Variants in RECK observed in about 807,000 individuals in gnomAD.
RECK encodes the protein reversion-inducing cysteine-rich protein with Kazal motifs.
Under a neutral mutation model 115.1 loss-of-function variants are expected in RECK, and 69 were observed. The ratio of observed to expected loss-of-function variants is 0.60; its 90% CI spans 0.49 to 0.73. The LOEUF (loss-of-function observed/expected upper bound fraction) is 0.73. RECK is among the 30% of genes least tolerant of loss of function. RECK has a pLI of 0.00. For synonymous variants in RECK, 414 were observed against 419.7 expected (o/e 0.99, Z 0.17); for missense variants, 1,047 against 1,203.7 (o/e 0.87, Z 1.93).
intron 1 of RECK, among the ~76,000 whole-genome samples, chr9:36,043,010 CT>C (rs61673918): frequency 2.1e-3 from 123 of 59,412 alleles, no homozygotes; most frequent in African/African-American, 4.2e-3. Context: ...CCTTAGCCCA[CT>C]TTTTTTTTTT....
At chr9:36,076,561 C>T (rs556517444) in intron 6 of RECK, among the ~76,000 whole-genome samples, 5 of 152,224 alleles carry the variant, frequency 3.3e-5, no homozygotes, top group African/African-American at 9.6e-5. Flanking sequence ...TTCCTGAATC[C>T]ATCCTAACAC....
Position 36,117,085 on chromosome 9 carries a change from G to T in RECK, c.2161G>T (p.Asp721Tyr), listed in dbSNP as rs1204690577. ...ACAGCTCGCGTGTGACCAGGTCCAA[G>T]ATCCTGTTTGTGACACAGACCACAT... Reference protein sequence around the residue: ...PRQLACDQVQDPVCDTDHMEH... With the variant: ...PRQLACDQVQYPVCDTDHMEH... Residue 721 changes from aspartate (D) to tyrosine (Y), a missense_variant, in exon 17 of 21, where the codon GAT becomes TAT. Transcript: ENST00000377966. The T allele has an allele frequency of 5.0e-6, 8 of 1,614,082 alleles. No homozygotes were observed. The highest frequency in any genetic ancestry group is 6.8e-6 in the Non-Finnish European group (8 of 1,180,034).
intron 4 of RECK, among the ~76,000 whole-genome samples, chr9:36,060,503 A>G (rs1378169485): frequency 6.6e-6 from 1 of 152,168 alleles, no homozygotes; most frequent in African/African-American, 2.4e-5. Context: ...TACTGAAACT[A>G]GTCTTTGAAA....
At chr9:36,106,013 AC>A (rs1823793267) in intron 13 of RECK, among the ~76,000 whole-genome samples, 1 of 152,036 alleles carries the variant, frequency 6.6e-6, no homozygotes, top group South Asian at 2.1e-4. Flanking sequence ...GGAGATCGAA[AC>A]CATCCTGGCT....
chr9:36,068,142 T>G (rs1164416555), intron 6 of RECK, among the ~76,000 whole-genome samples: 1 of 152,152 alleles, frequency 6.6e-6, no homozygotes, highest in Non-Finnish European at 1.5e-5. Flanking sequence ...AACCAATATT[T>G]TAGAAACTTA....
At chr9:36,120,813 T>G in intron 19 of RECK, 77 bp downstream of exon 19, 1 of 1,003,044 alleles carries the variant, frequency 1.0e-6, no homozygotes, top group Non-Finnish European at 1.6e-6. Context: ...TAGAATGTGT[T>G]GTCCTCATTC....
At chr9:36,071,277 G>A (rs996794461) in intron 6 of RECK, among the ~76,000 whole-genome samples, 5 of 152,146 alleles carry the variant, frequency 3.3e-5, no homozygotes, top group African/African-American at 1.2e-4. Context: ...GGTTGTTGAT[G>A]GTTAATTTTC....
intron 8 of RECK, among the ~76,000 whole-genome samples, chr9:36,086,961 G>C (rs1201009623): frequency 6.6e-6 from 1 of 152,108 alleles, no homozygotes; most frequent in South Asian, 2.1e-4. Flanking sequence ...TTTTTGTAAG[G>C]ATGGTGCTAA....
At chr9:36,060,397 A>C (rs535099174) in intron 4 of RECK, among the ~76,000 whole-genome samples, 1 of 152,224 alleles carries the variant, frequency 6.6e-6, no homozygotes, top group South Asian at 2.1e-4. Context: ...GATTACAGGC[A>C]TGACCCACCA....
intron 10 of RECK, among the ~76,000 whole-genome samples, chr9:36,091,661 T>G (rs1823158772): frequency 6.6e-6 from 1 of 152,250 alleles, no homozygotes; most frequent in South Asian, 2.1e-4. Flanking sequence ...TATTTGGTCA[T>G]CCAAATGTCC....
intron 6 of RECK, among the ~76,000 whole-genome samples, chr9:36,077,956 G>T (rs559176795): frequency 1.3e-5 from 2 of 152,192 alleles, no homozygotes; most frequent in African/African-American, 4.8e-5. Flanking sequence ...ACCCATAGTC[G>T]CAGGTACTTG....
intron 16 of RECK, among the ~76,000 whole-genome samples, chr9:36,116,362 G>A (rs1207911949): frequency 1.3e-5 from 2 of 152,114 alleles, no homozygotes; most frequent in Non-Finnish European, 2.9e-5. Context: ...CCCGACCTCA[G>A]GTGATCCACC....
In RECK at chr9:36,124,057, C is replaced by CT. The variant is rs771638340; in HGVS notation, c.*1015dup. 6.8e-6 allele frequency: 1 copy of CT among 147,200 alleles called. No homozygotes were observed. The highest frequency in any genetic ancestry group is 1.5e-5 in the Non-Finnish European group (1 of 67,996). The allele number at this position is 147,200 out of a possible 1,614,324, so 9.1% of individuals were successfully genotyped here. On this transcript the variant is annotated 3_prime_UTR_variant, in exon 21 of 21. Transcript: ENST00000377966. ...CAATGTAGATAAGTGTTCTGTCTGA[C>CT]TTTCTTTTTTGATATAGAAGTATAA...
At position 36,108,040 on chromosome 9, in the gene RECK, A is replaced by G. The variant is rs1471766347; in HGVS notation, c.1641A>G (p.Ser547=). ...AAGGGACACTAATCCAGGTGCCATC[A>G]TCTGCAGGGGAAGTTGGTTGTTATA... is the stretch of plus-strand genomic sequence containing the variant. ...VRQGTLIQVP[S]SAGEVGCYKI... The change falls in exon 14 of 21, where the codon TCA becomes TCG. Residue 547 remains serine, a synonymous_variant. Transcript: ENST00000377966. 1 of 1,613,996 alleles carries G rather than the reference A, an allele frequency of 6.2e-7. No individual in the cohort carries two copies. The highest frequency in any genetic ancestry group is 1.3e-5 in the African/African-American group (1 of 74,928).
intron 1 of RECK, among the ~76,000 whole-genome samples, chr9:36,043,191 ATTTT>A (rs761649232): frequency 1.9e-5 from 1 of 53,988 alleles, no homozygotes; most frequent in Non-Finnish European, 3.2e-5. Context: ...CGCCTGGCTA[ATTTT>A]TTTTTTTTTT....
Position 36,122,914 on chromosome 9 carries a change from C to G in RECK, c.2785C>G (p.Leu929Val), listed in dbSNP as rs750203978. Residue 929 changes from leucine to valine, a missense_variant, in exon 21 of 21, where the codon CTC becomes GTC. Transcript: ENST00000377966. ...TLASHVPLSA[L>V]IISQVQVSSS... The stretch of plus-strand genomic sequence containing the variant: ...GGCGTCCCATGTCCCTCTCTCTGCC[C>G]TCATCATTTCCCAGGTACAGGTCTC... 126 of 1,614,090 alleles carry G rather than the reference C, an allele frequency of 7.8e-5. No homozygotes were observed. Among genetic ancestry groups the G allele is most frequent in the Non-Finnish European group, 1.1e-4 (124 of 1,180,046 alleles).
chr9:36,106,609 A>G (rs1392707118), intron 13 of RECK, among the ~76,000 whole-genome samples: 1 of 152,076 alleles, frequency 6.6e-6, no homozygotes, highest in Non-Finnish European at 1.5e-5. Context: ...CATCTATAAT[A>G]TATGTGTAAT....
intron 9 of RECK, among the ~76,000 whole-genome samples, chr9:36,090,293 G>T (rs937141539): frequency 6.6e-6 from 1 of 152,148 alleles, no homozygotes; most frequent in Admixed American, 6.6e-5. Flanking sequence ...GACCTTGTCT[G>T]TTTTATTCAC....
chr9:36,101,600 G>T (rs202051668), intron 11 of RECK, among the ~76,000 whole-genome samples: 2 of 152,302 alleles, frequency 1.3e-5, no homozygotes, highest in East Asian at 3.9e-4. Flanking sequence ...TCTTAGCACA[G>T]AAAACTTGTA....
Sources: gnomAD v4.1 joint callset for allele counts (sites outside exome capture counted in the v4.1 genomes callset) on GRCh38, gnomAD v4.1.1 for gene constraint, MANE v1.5 for transcripts, NCBI Gene and HGNC (gene_info 2026-07-23, HGNC 2026-07-21) for gene names.